The following KIT variants were observed in gnomAD, a reference collection of about 807,000 sequenced individuals.
The protein encoded by KIT is mast/stem cell growth factor receptor Kit.
Under a neutral mutation model 105.7 loss-of-function variants are expected in KIT, and 16 were observed. The observed-to-expected ratio is 0.15, with a 90% confidence interval of 0.10 to 0.23. The LOEUF (loss-of-function observed/expected upper bound fraction) is 0.23, where lower values mean the gene tolerates loss of function less well. Ranked by LOEUF, KIT falls within the 10% of genes least tolerant of loss-of-function variation. The pLI, the probability that KIT is intolerant of heterozygous loss-of-function variation, is 1.00. For synonymous variants in KIT, 438 were observed against 441.1 expected, an observed-to-expected ratio of 0.99 and a Z score of 0.09; for missense variants, 858 against 1,213.8, an observed-to-expected ratio of 0.71 and a Z score of 4.36.
At chr4:54,682,210 C>T (rs1718985397) in intron 1 of KIT, among the ~76,000 whole-genome samples, 1 of 151,510 alleles carries the variant, frequency 6.6e-6, no homozygotes, top group Admixed American at 6.6e-5. Flanking sequence ...CCACCTTAGC[C>T]TCCCAAGGAG....
At chr4:54,727,666 G>C in intron 11 of KIT, 124 bp downstream of exon 11, 1 of 1,390,242 alleles carries the variant, frequency 7.2e-7, no homozygotes, top group Non-Finnish European at 1.0e-6. Context: ...GTGAAATTGC[G>C]CCCCTTTTGA....
intron 7 of KIT, among the ~76,000 whole-genome samples, chr4:54,721,970 A>G (rs1721906020): frequency 6.6e-6 from 1 of 152,218 alleles, no homozygotes; most frequent in African/African-American, 2.4e-5. Flanking sequence ...TATTCTGATT[A>G]TAAAATAATA....
chr4:54,674,704 G>C lies in KIT; in HGVS notation c.67+16623G>C, dbSNP rs1718342426. Among the ~76,000 whole-genome samples the C allele has an allele frequency of 3.9e-5, 6 of 152,274 alleles. 1 individual carries two copies. In the South Asian group the frequency reaches 1.2e-3, roughly 32 times the overall value. Reference sequence around the variant, plus strand: ...AAAAATTTGTAACTATCTGAAAACTGATTACTATGGAAATGAACACTGTAT... The same window carrying C: ...AAAAATTTGTAACTATCTGAAAACTCATTACTATGGAAATGAACACTGTAT... On this transcript the variant is annotated intron_variant, in intron 1 of 20. Transcript: ENST00000288135.
In KIT at chr4:54,739,985, T is replaced by G. The variant is rs537228504; in HGVS notation, c.*1428T>G. 1.8e-4 allele frequency: 43 copies of G among 233,578 alleles called. No individual in the cohort carries two copies. The highest frequency in any genetic ancestry group is 9.5e-4 in the African/African-American group (43 of 45,446). 14.5% of individuals were successfully genotyped at this position (233,578 alleles called of 1,614,324 possible). ...AACATTTAAATTTTACCCTTTAGACTGTAGCCTGGATATTATTCTTGTAGT... is the reference window on the plus strand; with the variant it reads ...AACATTTAAATTTTACCCTTTAGACGGTAGCCTGGATATTATTCTTGTAGT... On this transcript the variant is annotated 3_prime_UTR_variant, in exon 21 of 21. Coordinates refer to ENST00000288135, the MANE Select transcript of KIT (RefSeq NM_000222.3).
At chr4:54,736,953 T>A in intron 19 of KIT, 133 bp downstream of exon 19, 1 of 754,378 alleles carries the variant, frequency 1.3e-6, no homozygotes, top group Non-Finnish European at 2.4e-6. Context: ...GACACACTGG[T>A]CAAATGTCAT....
At chr4:54,662,727 C>T (rs1019105654) in intron 1 of KIT, among the ~76,000 whole-genome samples, 9 of 152,160 alleles carry the variant, frequency 5.9e-5, no homozygotes, top group Non-Finnish European at 1.0e-4. Context: ...CACCCGCCAC[C>T]ATGCTCGGCT....
chr4:54,728,435 A>G (rs1722376679), intron 13 of KIT, among the ~76,000 whole-genome samples: 1 of 152,164 alleles, frequency 6.6e-6, no homozygotes, highest in Non-Finnish European at 1.5e-5. Flanking sequence ...ACATTTCTTG[A>G]TCATATGTAG....
At chr4:54,659,788 C>T (rs1273057139) in intron 1 of KIT, among the ~76,000 whole-genome samples, 1 of 152,204 alleles carries the variant, frequency 6.6e-6, no homozygotes, top group Non-Finnish European at 1.5e-5. Flanking sequence ...AGAAAGACCA[C>T]ATCGAATATC....
rs2109813756 is a variant in KIT at position 54,737,168 on chromosome 4, C to A, written c.2697-7C>A. The A allele has an allele frequency of 6.3e-7, 1 of 1,594,630 alleles. No homozygotes were observed. The highest frequency in any genetic ancestry group is 8.6e-7 in the Non-Finnish European group (1 of 1,162,256). On this transcript the variant is annotated splice_polypyrimidine_tract_variant and splice_region_variant and intron_variant, in intron 19 of 20. Transcript: ENST00000288135. ...AGGAGGGATAGTAAATGGCCCTTGTCTTGCAGGTATGACATAATGAAGACT... is the reference window on the plus strand; with the variant it reads ...AGGAGGGATAGTAAATGGCCCTTGTATTGCAGGTATGACATAATGAAGACT...
chr4:54,698,000 C>T (rs1720187226), intron 2 of KIT, among the ~76,000 whole-genome samples: 1 of 152,154 alleles, frequency 6.6e-6, no homozygotes, highest in African/African-American at 2.4e-5. Flanking sequence ...GCAGTTTCAT[C>T]TATGAAATGG....
At chr4:54,677,479 T>C (rs1409475146) in intron 1 of KIT, among the ~76,000 whole-genome samples, 4 of 152,126 alleles carry the variant, frequency 2.6e-5, no homozygotes, top group African/African-American at 7.2e-5. Context: ...TCATAATACA[T>C]GGGTCAGAAG....
intron 1 of KIT, among the ~76,000 whole-genome samples, chr4:54,669,179 C>T (rs1416454462): frequency 2.0e-5 from 3 of 151,734 alleles, no homozygotes; most frequent in African/African-American, 4.9e-5. Flanking sequence ...CGTTTTTAGC[C>T]GCACCAAAAA....
At chr4:54,673,608 T>C (rs1577921476) in intron 1 of KIT, among the ~76,000 whole-genome samples, 3 of 152,246 alleles carry the variant, frequency 2.0e-5, no homozygotes, top group Non-Finnish European at 4.4e-5. Flanking sequence ...TCTGAAATAT[T>C]AGGTCATAGC....
chr4:54,661,190 C>T (rs1287652156), intron 1 of KIT, among the ~76,000 whole-genome samples: 1 of 152,154 alleles, frequency 6.6e-6, no homozygotes, highest in Non-Finnish European at 1.5e-5. Context: ...AAGAGAACAC[C>T]CCCAATAATG....
chr4:54,681,367 G>A (rs2855771), intron 1 of KIT, among the ~76,000 whole-genome samples: 24,965 of 151,964 alleles, frequency 0.16, 3,980 homozygotes, highest in African/African-American at 0.42. Context: ...TCTGCTCAGG[G>A]ATGGATCCCA....
intron 1 of KIT, among the ~76,000 whole-genome samples, chr4:54,693,974 C>T (rs186531390): frequency 3.9e-5 from 6 of 152,312 alleles, no homozygotes; most frequent in Admixed American, 3.3e-4. Flanking sequence ...GCATGTTTCA[C>T]TCATTTCCTT....
At chr4:54,676,134 G>T (rs752354544) in intron 1 of KIT, among the ~76,000 whole-genome samples, 17 of 152,188 alleles carry the variant, frequency 1.1e-4, no homozygotes, top group Non-Finnish European at 2.4e-4. Flanking sequence ...ATTGTTTGCT[G>T]CGCTAATGCC....
In KIT at chr4:54,670,346, C is replaced by A. The variant is rs541480261; in HGVS notation, c.67+12265C>A. On this transcript the variant is annotated intron_variant, in intron 1 of 20. Coordinates refer to ENST00000288135, the MANE Select transcript of KIT (RefSeq NM_000222.3). The stretch of plus-strand genomic sequence containing the variant: ...GAACTCCTAACTCTTGCTAACCTTA[C>A]ACCTGGGATTCTTAGGCCCTCAGCT... 2.6e-5 allele frequency among the ~76,000 whole-genome samples: 4 copies of A among 152,282 alleles called. No individual in the cohort carries two copies. The South Asian group carries it at 8.3e-4, about 32-fold the overall frequency.
intron 1 of KIT, among the ~76,000 whole-genome samples, chr4:54,676,724 A>G (rs1718499900): frequency 6.6e-6 from 1 of 152,188 alleles, no homozygotes; most frequent in Admixed American, 6.5e-5. Flanking sequence ...TCAAGCCTCC[A>G]GTATCTCCTT....
Sources: gnomAD v4.1 joint callset for allele counts (sites outside exome capture counted in the v4.1 genomes callset) on GRCh38, gnomAD v4.1.1 for gene constraint, MANE v1.5 for transcripts, NCBI Gene and HGNC (gene_info 2026-07-23, HGNC 2026-07-21) for gene names.